SPAG16: variants seen among roughly 807,000 people sequenced by gnomAD.
The protein encoded by SPAG16 is sperm associated antigen 16.
In SPAG16, 86 loss-of-function variants were observed where a neutral mutation model predicts 80.4. The observed-to-expected ratio is 1.07, with a 90% CI of 0.90 to 1.28. The LOEUF (loss-of-function observed/expected upper bound fraction) is 1.28, where lower values mean the gene tolerates loss of function less well. SPAG16 is among the 50% of genes most tolerant of loss of function. The probability of loss-of-function intolerance (pLI) is 0.00; values close to 1 mark genes in which losing one functional copy is unlikely to be tolerated. For missense variants in SPAG16, 870 were observed against 765.3 expected (o/e 1.14, Z -1.61); for synonymous variants, 294 against 265.9 (o/e 1.11, Z -1.03).
intron 15 of SPAG16, among the ~76,000 whole-genome samples, chr2:214,258,471 G>GTGTGTGTGTGTATATATATA (rs1553539128): frequency 3.5e-5 from 5 of 141,410 alleles, no homozygotes; most frequent in African/African-American, 1.3e-4. Context: ...ATGTGTGTGT[G>GTGTGTGTGTGTATATATATA]TATATATATA....
At chr2:213,297,554 C>T (rs1190055768) in intron 3 of SPAG16, among the ~76,000 whole-genome samples, 197 bp downstream of exon 3, 2 of 152,064 alleles carry the variant, frequency 1.3e-5, no homozygotes, top group Admixed American at 1.3e-4. Flanking sequence ...CCATTCTCCA[C>T]ATCATGGTCA....
At chr2:213,645,137 G>A (rs947461061) in intron 10 of SPAG16, among the ~76,000 whole-genome samples, 8 of 152,100 alleles carry the variant, frequency 5.3e-5, no homozygotes, top group South Asian at 2.1e-4. Context: ...CACAACCACC[G>A]CAGGCCATGA....
At position 214,333,677 on chromosome 2, in the gene SPAG16, A is replaced by T. The variant is rs189579383; in HGVS notation, c.1721-76463A>T. On this transcript the variant is annotated intron_variant, in intron 15 of 15. Coordinates refer to ENST00000331683, the MANE Select transcript of SPAG16 (RefSeq NM_024532.5). ...GATAGATTTCCTGTGCTTAGGTAACATACCACTCTGCCATCCCCACACTGA... is the reference window on the plus strand; with the variant it reads ...GATAGATTTCCTGTGCTTAGGTAACTTACCACTCTGCCATCCCCACACTGA... 2.2e-3 allele frequency among the ~76,000 whole-genome samples: 338 copies of T among 152,306 alleles called. 2 individuals are homozygous for T. Among genetic ancestry groups the T allele is most frequent in the African/African-American group, 7.7e-3 (321 of 41,566 alleles).
intron 4 of SPAG16, among the ~76,000 whole-genome samples, chr2:213,313,429 A>G (rs960144518): frequency 3.3e-5 from 5 of 151,756 alleles, no homozygotes; most frequent in African/African-American, 1.2e-4. Flanking sequence ...TACTTCTCCC[A>G]ACAACTGTAT....
At chr2:213,864,545 A>G (rs1282998795) in intron 11 of SPAG16, among the ~76,000 whole-genome samples, 8 of 152,074 alleles carry the variant, frequency 5.3e-5, no homozygotes, top group African/African-American at 2.4e-5. Flanking sequence ...GACACAGTAT[A>G]TACTAACATT....
intron 10 of SPAG16, among the ~76,000 whole-genome samples, chr2:213,606,278 G>C (rs1175320507): frequency 1.3e-5 from 2 of 152,124 alleles, no homozygotes; most frequent in Non-Finnish European, 2.9e-5. Flanking sequence ...TGAGTCTTTT[G>C]GTGGATGTAT....
At position 214,289,792 on chromosome 2, in the gene SPAG16, A is replaced by T. The variant is rs1190783617; in HGVS notation, c.1721-120348A>T. 7.9e-5 allele frequency among the ~76,000 whole-genome samples: 12 copies of T among 152,130 alleles called. 1 individual carries two copies. The South Asian group carries it at 1.4e-3, about 18-fold the overall frequency. On this transcript the variant is annotated intron_variant, in intron 15 of 15. Transcript: ENST00000331683. The stretch of plus-strand genomic sequence containing the variant: ...ACATTCTTACTTTGATAGGAAATGC[A>T]TAGGATCTATAGATGCTTTAAGCAG...
At chr2:213,897,020 T>G (rs2077021519) in intron 11 of SPAG16, among the ~76,000 whole-genome samples, 1 of 152,122 alleles carries the variant, frequency 6.6e-6, no homozygotes, top group Non-Finnish European at 1.5e-5. Flanking sequence ...GTACAGTGAC[T>G]ATATTGTACA....
At chr2:213,982,284 G>A (rs1559656034) in intron 12 of SPAG16, among the ~76,000 whole-genome samples, 1 of 151,976 alleles carries the variant, frequency 6.6e-6, no homozygotes, top group Non-Finnish European at 1.5e-5. Flanking sequence ...ATTTTAATGA[G>A]CAATTAAAAA....
At chr2:213,554,218 C>T (rs1387228776) in intron 10 of SPAG16, among the ~76,000 whole-genome samples, 2 of 152,174 alleles carry the variant, frequency 1.3e-5, no homozygotes, top group Non-Finnish European at 1.5e-5. Flanking sequence ...CCACTGTGGA[C>T]ATATACAGTG....
At chr2:213,787,595 G>A (rs1388097891) in intron 10 of SPAG16, among the ~76,000 whole-genome samples, 1 of 152,038 alleles carries the variant, frequency 6.6e-6, no homozygotes, top group East Asian at 1.9e-4. Flanking sequence ...GGAAAGCATT[G>A]TGGGTTATAA....
intron 11 of SPAG16, among the ~76,000 whole-genome samples, chr2:213,908,876 A>T (rs1458661383): frequency 6.6e-6 from 1 of 151,330 alleles, no homozygotes; most frequent in African/African-American, 2.4e-5. Flanking sequence ...GCACCCATTA[A>T]CTCATCATTT....
chr2:213,848,248 T>C (rs2074728001), intron 10 of SPAG16, among the ~76,000 whole-genome samples: 1 of 152,190 alleles, frequency 6.6e-6, no homozygotes, highest in South Asian at 2.1e-4. Context: ...AGTGAGTAGA[T>C]GGGAGTCAAT....
intron 5 of SPAG16, among the ~76,000 whole-genome samples, chr2:213,339,024 T>TAAA (rs11329467): frequency 1.4e-5 from 2 of 146,176 alleles, no homozygotes; most frequent in African/African-American, 5.0e-5. Context: ...CCCCAGAACT[T>TAAA]AAAAAAAAAA....
intron 9 of SPAG16, among the ~76,000 whole-genome samples, chr2:213,439,360 C>G (rs191533295): frequency 6.2e-4 from 94 of 152,270 alleles, no homozygotes; most frequent in Non-Finnish European, 1.0e-3. Context: ...TCTAAATTGC[C>G]TTAAACAGAC....
chr2:214,078,368 C>T (rs2051189565), intron 13 of SPAG16, among the ~76,000 whole-genome samples: 1 of 151,878 alleles, frequency 6.6e-6, no homozygotes, highest in African/African-American at 2.4e-5. Context: ...GCTTGGACAA[C>T]ATAGTGAAAC....
intron 15 of SPAG16, among the ~76,000 whole-genome samples, chr2:214,274,920 TG>T (rs1692337850): frequency 6.6e-6 from 1 of 152,222 alleles, no homozygotes; most frequent in Admixed American, 6.5e-5. Context: ...TGAATCCATC[TG>T]GTCCTAAACT....
At chr2:214,033,577 G>A (rs1163701990) in intron 13 of SPAG16, among the ~76,000 whole-genome samples, 2 of 152,134 alleles carry the variant, frequency 1.3e-5, no homozygotes, top group African/African-American at 4.8e-5. Context: ...ATGCCTTCAT[G>A]CATCCATCCA....
chr2:214,118,310 A>G (rs574823041), intron 14 of SPAG16, among the ~76,000 whole-genome samples: 2 of 152,224 alleles, frequency 1.3e-5, no homozygotes, highest in Non-Finnish European at 2.9e-5. Context: ...AATCTACAAA[A>G]TAATGATGAC....
Sources: gnomAD v4.1 joint callset for allele counts (sites outside exome capture counted in the v4.1 genomes callset) on GRCh38, gnomAD v4.1.1 for gene constraint, MANE v1.5 for transcripts, NCBI Gene and HGNC (gene_info 2026-07-23, HGNC 2026-07-21) for gene names.